Variants in RARA observed in about 807,000 individuals in gnomAD.
RARA encodes retinoic acid receptor alpha.
Under a neutral mutation model 42.8 loss-of-function variants are expected in RARA, and 5 were observed. The ratio of observed to expected loss-of-function variants is 0.12; its 90% CI spans 0.06 to 0.25. RARA has a LOEUF of 0.25. Among genes scored for constraint, RARA ranks in the 10% least tolerant of loss-of-function variants. The pLI is 1.00. For synonymous variants in RARA, 256 were observed against 259.5 expected (o/e 0.99, Z 0.13); for missense variants, 402 against 628.7 (o/e 0.64, Z 3.86).
At chr17:40,329,124 G>A (rs751240771) in intron 1 of RARA, among the ~76,000 whole-genome samples, 3 of 147,184 alleles carry the variant, frequency 2.0e-5, no homozygotes, top group Non-Finnish European at 4.4e-5. Flanking sequence ...GTATGAAGTG[G>A]TATCTCATTG....
intron 2 of RARA, 196 bp from the exon 3 acceptor site, chr17:40,348,120 T>TGG (rs1329891596): frequency 1.9e-6 from 1 of 526,104 alleles, no homozygotes; most frequent in Non-Finnish European, 3.2e-6. Flanking sequence ...AGAGGAGTGA[T>TGG]GGGGTGCTGG....
At chr17:40,333,370 T>A (rs2033756268) in intron 2 of RARA, among the ~76,000 whole-genome samples, 1 of 151,932 alleles carries the variant, frequency 6.6e-6, no homozygotes, top group South Asian at 2.1e-4. Flanking sequence ...TAAGACAGGG[T>A]CTTCCTCTGT....
rs1224265917 is a variant in RARA, at chr17:40,357,330, G to A, written c.*1104G>A. 1 of 233,720 alleles carries A rather than the reference G, an allele frequency of 4.3e-6. No homozygotes were observed. The highest frequency in any genetic ancestry group is 8.4e-6 in the Non-Finnish European group (1 of 119,160). The allele number at this position is 233,720 out of a possible 1,614,324, so 14.5% of individuals were successfully genotyped here. A position where few individuals can be genotyped will look rare whatever the true frequency, so the allele number is the denominator to read the frequency against. On this transcript the variant is annotated 3_prime_UTR_variant, in exon 9 of 9. Coordinates refer to ENST00000254066, the MANE Select transcript of RARA (RefSeq NM_000964.4). ...GCCCCCAGACACCACACACATGCGC[G>A]TGCGCACACACACAAACACACACAC... is the stretch of plus-strand genomic sequence containing the variant.
chr17:40,315,168 ATATACACACACACACACACACACACACG>A (rs2033182549), intron 1 of RARA, among the ~76,000 whole-genome samples: 1 of 135,564 alleles, frequency 7.4e-6, no homozygotes, highest in African/African-American at 2.8e-5. Flanking sequence ...ATATATATAT[ATATACACACACACACACACACACACACG>A]TATATATTTA....
At chr17:40,348,123 G>A in intron 2 of RARA, 193 bp from the exon 3 acceptor site, 1 of 537,068 alleles carries the variant, frequency 1.9e-6, no homozygotes. Context: ...GGAGTGATGG[G>A]GTGCTGGAGG....
intron 4 of RARA, chr17:40,350,205 T>C (rs9894845): frequency 0.1 from 45,053 of 440,884 alleles, 7,029 homozygotes; most frequent in African/African-American, 0.5. Context: ...CGTATGTGTG[T>C]GTGTGTGCAT....
rs577124433 is a variant in RARA, at chr17:40,343,042, A to G, written c.179-5274A>G. 1.8e-5 allele frequency: 24 copies of G among 1,300,828 alleles called. No homozygotes were observed. The Admixed American group carries it at 6.3e-4, about 34-fold the overall frequency. The allele number at this position is 1,300,828 out of a possible 1,614,324, so 80.6% of individuals were successfully genotyped here. ...ACCCTCCCGGCCGCACCCTCCCCCC[A>G]GTAACCCTAAGTGCAATTTGTGTTA... On this transcript the variant is annotated intron_variant, in intron 2 of 8. Coordinates refer to ENST00000254066, the MANE Select transcript of RARA (RefSeq NM_000964.4).
chr17:40,342,969 C>T lies in RARA; in HGVS notation c.179-5347C>T, dbSNP rs2034127445. The T allele has an allele frequency of 1.0e-5, 15 of 1,487,892 alleles. 1 individual carries two copies. The East Asian group carries it at 3.5e-4, about 35-fold the overall frequency. 92.2% of individuals were successfully genotyped at this position (1,487,892 alleles called of 1,614,324 possible). A position where few individuals can be genotyped will look rare whatever the true frequency, so the allele number is the denominator to read the frequency against. Reference sequence around the variant, plus strand: ...AGAGTCCCGGGGTGTAGTGGAGGTCCTGTCTCTACCTTTCACTTAACCCGT... The same window carrying T: ...AGAGTCCCGGGGTGTAGTGGAGGTCTTGTCTCTACCTTTCACTTAACCCGT... On this transcript the variant is annotated intron_variant, in intron 2 of 8. Coordinates refer to ENST00000254066, the MANE Select transcript of RARA (RefSeq NM_000964.4).
intron 2 of RARA, chr17:40,343,020 C>T: frequency 2.8e-6 from 4 of 1,409,366 alleles, no homozygotes; most frequent in Non-Finnish European, 1.9e-6. Flanking sequence ...CAATTGAACC[C>T]TCCCGGCCGC....
chr17:40,329,917 G>A (rs552479454), intron 1 of RARA, among the ~76,000 whole-genome samples: 39 of 152,166 alleles, frequency 2.6e-4, no homozygotes, highest in African/African-American at 7.7e-4. Context: ...TATGTTCTTC[G>A]TGTTCTCTCT....
In RARA at chr17:40,357,084, G is replaced by C; in HGVS notation, c.*858G>C. ...GGACGGTGTGGGGCAGCCCTGAAAGGACAGGCTCCTGGCCTTGGCACTTGC... is the reference window on the plus strand; with the variant it reads ...GGACGGTGTGGGGCAGCCCTGAAAGCACAGGCTCCTGGCCTTGGCACTTGC... On this transcript the variant is annotated 3_prime_UTR_variant, in exon 9 of 9. Coordinates refer to ENST00000254066, the MANE Select transcript of RARA (RefSeq NM_000964.4). The C allele has an allele frequency of 3.0e-6, 1 of 330,032 alleles. No homozygotes were observed. Among genetic ancestry groups the C allele is most frequent in the Non-Finnish European group, 5.7e-6 (1 of 175,656 alleles). The allele number at this position is 330,032 out of a possible 1,614,324, so 20.4% of individuals were successfully genotyped here.
At chr17:40,341,841 G>C in intron 2 of RARA, 5 of 1,070,476 alleles carry the variant, frequency 4.7e-6, no homozygotes, top group Non-Finnish European at 6.0e-6. Context: ...TGGTACAAGG[G>C]AGGACGCCCG....
chr17:40,330,567 A>T (rs980252956), intron 1 of RARA, among the ~76,000 whole-genome samples: 1 of 151,958 alleles, frequency 6.6e-6, no homozygotes, highest in Non-Finnish European at 1.5e-5. Flanking sequence ...TGCTGCAGTG[A>T]TCCCTTGAGG....
chr17:40,327,832 C>T (rs964774915), intron 1 of RARA, among the ~76,000 whole-genome samples: 1 of 152,188 alleles, frequency 6.6e-6, no homozygotes, highest in Non-Finnish European at 1.5e-5. Context: ...GCATGGCTCC[C>T]CCAGCTCCAG....
At chr17:40,348,594 G>A (rs1476713201) in intron 3 of RARA, 130 bp downstream of exon 3, 8 of 1,249,786 alleles carry the variant, frequency 6.4e-6, no homozygotes, top group Admixed American at 3.2e-5. Flanking sequence ...GTGGAAGTTG[G>A]CAGCAAGCAG....
chr17:40,343,353 C>G (rs1224910572), intron 2 of RARA, among the ~76,000 whole-genome samples: 1 of 152,180 alleles, frequency 6.6e-6, no homozygotes, highest in African/African-American at 2.4e-5. Context: ...CTTGCTCTTG[C>G]GTCATTAGAG....
In RARA at chr17:40,355,711, C is replaced by T. The variant is rs41283423; in HGVS notation, c.1171+290C>T. ...CCCTTCCGAGGGCGGGGATAACATT[C>T]GTGTTTACAGAGGGGTCGGGATGAT... On this transcript the variant is annotated intron_variant, in intron 8 of 8. Transcript: ENST00000254066. This position sits in a 1 kb window ranked among gnomAD's most constrained non-coding sequence, Gnocchi z 4.1. Among the ~76,000 whole-genome samples the T allele has an allele frequency of 0.015, 2,292 of 152,284 alleles. 29 individuals are homozygous for T. Among genetic ancestry groups the T allele is most frequent in the Non-Finnish European group, 0.023 (1,545 of 68,002 alleles).
At position 40,331,227 on chromosome 17, in the gene RARA, C is replaced by CA. The variant is rs1290843078; in HGVS notation, c.11dup (p.Asn4LysfsTer48). 1 of 1,610,754 alleles carries CA rather than the reference C, an allele frequency of 6.2e-7. No individual in the cohort carries two copies. Among genetic ancestry groups the CA allele is most frequent in the African/African-American group, 1.3e-5 (1 of 74,888 alleles). Reference sequence around the variant, plus strand: ...GACTGTGGCCGCTTGGCATGGCCAGCAACAGCAGCTCCTGCCCGACACCTG... The same window carrying CA: ...GACTGTGGCCGCTTGGCATGGCCAGCAAACAGCAGCTCCTGCCCGACACCTG... On this transcript the variant is annotated frameshift_variant, in exon 2 of 9. Coordinates refer to ENST00000254066, the MANE Select transcript of RARA (RefSeq NM_000964.4). LOFTEE classifies it high-confidence loss of function.
At chr17:40,341,696 C>T (rs927179590) in intron 2 of RARA, 2 of 1,330,822 alleles carry the variant, frequency 1.5e-6, no homozygotes, top group Non-Finnish European at 1.9e-6. Flanking sequence ...CAAATGAGGC[C>T]CGGCCTGGGT....
Sources: gnomAD v4.1 joint callset for allele counts (sites outside exome capture counted in the v4.1 genomes callset) on GRCh38, gnomAD v4.1.1 for gene constraint, Gnocchi (gnomAD v3.1) non-coding constraint, MANE v1.5 for transcripts, NCBI Gene and HGNC (gene_info 2026-07-23, HGNC 2026-07-21) for gene names.